Variants in TAS1R3 observed in about 807,000 individuals in gnomAD.
TAS1R3 encodes taste 1 receptor member 3, also known as taste receptor type 1 member 3.
TAS1R3 carries 58 observed loss-of-function variants against 46.1 expected under a neutral mutation model. The observed-to-expected ratio is 1.26, with a 90% CI of 1.02 to 1.57. The LOEUF (loss-of-function observed/expected upper bound fraction) is 1.57, where lower values mean the gene tolerates loss of function less well. TAS1R3 is among the 40% of genes most tolerant of loss of function. The pLI is 0.00. For synonymous variants in TAS1R3, 724 were observed against 544.7 expected (o/e 1.33, Z -4.58); for missense variants, 1,422 against 1,185.8 (o/e 1.20, Z -2.93).
At position 1,331,486 on chromosome 1, in the gene TAS1R3, G is replaced by A; in HGVS notation, c.141G>A (p.Glu47=). 6.2e-7 allele frequency: 1 copy of A among 1,607,042 alleles called. No homozygotes were observed. Among genetic ancestry groups the A allele is most frequent in the South Asian group, 1.1e-5 (1 of 90,416 alleles). The change falls in exon 1 of 6, where the codon GAG becomes GAA. Residue 47 remains glutamate, a synonymous_variant. Transcript: ENST00000339381. ...GGCTGTTCCCCCTGGGCGAGGCCGA[G>A]GAGGCTGGCCTCCGCAGCCGGACAC... ...LGGLFPLGEA[E]EAGLRSRTRP...
rs770061346 is a variant in TAS1R3, at chr1:1,332,248, C to T, written c.717C>T (p.His239=). Residue 239 remains histidine (H), a synonymous_variant, in exon 3 of 6, where the codon CAC becomes CAT. Coordinates refer to ENST00000339381, the MANE Select transcript of TAS1R3 (RefSeq NM_152228.3). ...CGGCACGCGGCATCTGCATCGCGCA[C>T]GAGGGCCTGGTGCCGCTGCCCCGTG... ...LAAARGICIA[H]EGLVPLPRAD... is the part of the protein sequence containing the mutation. 6.9e-6 allele frequency: 11 copies of T among 1,596,044 alleles called. No individual in the cohort carries two copies. The highest frequency in any genetic ancestry group is 3.4e-5 in the Admixed American group (2 of 59,326).
chr1:1,333,760 C>T lies in TAS1R3; in HGVS notation c.1855C>T (p.Leu619Phe), dbSNP rs1403046392. The change falls in exon 6 of 6, where the codon CTC (leucine) becomes TTC (phenylalanine). Residue 619 changes from leucine to phenylalanine, a missense_variant. Physicochemically the swap from Leu to Phe is conservative, Grantham distance 22. Coordinates refer to ENST00000339381, the MANE Select transcript of TAS1R3 (RefSeq NM_152228.3). ...CCTGGTGTGCCTGGGCCTGGTCTGCCTCAGCGTCCTCCTGTTCCCTGGCCA... is the reference window on the plus strand; with the variant it reads ...CCTGGTGTGCCTGGGCCTGGTCTGCTTCAGCGTCCTCCTGTTCCCTGGCCA... ...FGLVCLGLVC[L>F]SVLLFPGQPS... 6.3e-7 allele frequency: 1 copy of T among 1,596,802 alleles called. No individual in the cohort carries two copies. The highest frequency in any genetic ancestry group is 8.5e-7 in the Non-Finnish European group (1 of 1,174,670).
In TAS1R3 at chr1:1,331,951, CACCATCA is replaced by C; in HGVS notation, c.492+14_492+20del. On this transcript the variant is annotated intron_variant, in intron 2 of 5. Coordinates refer to ENST00000339381, the MANE Select transcript of TAS1R3 (RefSeq NM_152228.3). ...CCTCATGCCCCAGGTGGGCGCCCCC[CACCATCA>C]CCCACCCCCACCCAGCCCTGCCCGT... 1.9e-6 allele frequency: 3 copies of C among 1,598,936 alleles called. No individual in the cohort carries two copies. The highest frequency in any genetic ancestry group is 2.6e-6 in the Non-Finnish European group (3 of 1,168,744).
intron 4 of TAS1R3, 33 bp from the exon 5 acceptor site, chr1:1,333,226 C>T: frequency 6.3e-7 from 1 of 1,594,880 alleles, no homozygotes. Flanking sequence ...GCATGCCCAG[C>T]CGAGCAGAGC....
Position 1,334,314 on chromosome 1 carries a change from G to A in TAS1R3, c.2409G>A (p.Leu803=). 1 of 1,611,726 alleles carries A rather than the reference G, an allele frequency of 6.2e-7. No homozygotes were observed. Among genetic ancestry groups the A allele is most frequent in the South Asian group, 1.1e-5 (1 of 90,980 alleles). Residue 803 remains leucine (L), a synonymous_variant, in exon 6 of 6, where the codon CTG becomes CTA. Coordinates refer to ENST00000339381, the MANE Select transcript of TAS1R3 (RefSeq NM_152228.3). ...TGGGCGCCCTCCTGCTCTGTGTCCTGGGCATCCTGGCTGCCTTCCACCTGC... is the reference window on the plus strand; with the variant it reads ...TGGGCGCCCTCCTGCTCTGTGTCCTAGGCATCCTGGCTGCCTTCCACCTGC... ...VQMGALLLCV[L]GILAAFHLPR... is the part of the protein sequence containing the mutation.
Position 1,334,325 on chromosome 1 carries a change from C to G in TAS1R3, c.2420C>G (p.Ala807Gly). The G allele has an allele frequency of 6.2e-7, 1 of 1,611,832 alleles. No individual in the cohort carries two copies. Reference protein sequence around the residue: ...ALLLCVLGILAAFHLPRCYLL... With the variant: ...ALLLCVLGILGAFHLPRCYLL... ...CTGCTCTGTGTCCTGGGCATCCTGG[C>G]TGCCTTCCACCTGCCCAGGTGTTAC... The change falls in exon 6 of 6, where the codon GCT (alanine) becomes GGT (glycine). Residue 807 changes from alanine (A) to glycine (G), a missense_variant. Physicochemically the swap from Ala to Gly is moderately conservative, Grantham distance 60. Coordinates refer to ENST00000339381, the MANE Select transcript of TAS1R3 (RefSeq NM_152228.3).
In TAS1R3 at chr1:1,334,152, C is replaced by G. The variant is rs1053089249; in HGVS notation, c.2247C>G (p.Phe749Leu). 1.3e-6 allele frequency: 2 copies of G among 1,584,332 alleles called. No individual in the cohort carries two copies. The highest frequency in any genetic ancestry group is 1.3e-5 in the African/African-American group (1 of 74,354). The change falls in exon 6 of 6, where the codon TTC becomes TTG. Residue 749 changes from phenylalanine to leucine, a missense_variant. Coordinates refer to ENST00000339381, the MANE Select transcript of TAS1R3 (RefSeq NM_152228.3). ...TLAFLCFLGT[F>L]LVRSQPGCYN... Reference sequence around the variant, plus strand: ...CCTTTCTCTGCTTCCTGGGCACTTTCCTGGTGCGGAGCCAGCCGGGCTGCT... The same window carrying G: ...CCTTTCTCTGCTTCCTGGGCACTTTGCTGGTGCGGAGCCAGCCGGGCTGCT...
At position 1,333,640 on chromosome 1, in the gene TAS1R3, G is replaced by C; in HGVS notation, c.1735G>C (p.Ala579Pro). ...VLLLLLLLSL[A>P]LGLVLAALGL... ...GCTGCTGCTCCTGCTGCTGAGCCTG[G>C]CGCTGGGCCTTGTGCTGGCTGCTTT... Residue 579 changes from alanine (A) to proline (P), a missense_variant, in exon 6 of 6, where the codon GCG becomes CCG. Physicochemically the swap from Ala to Pro is conservative, Grantham distance 27 (BLOSUM62 -1). Transcript: ENST00000339381. The C allele has an allele frequency of 6.2e-7, 1 of 1,611,878 alleles. No individual in the cohort carries two copies. Among genetic ancestry groups the C allele is most frequent in the South Asian group, 1.1e-5 (1 of 91,086 alleles).
chr1:1,334,212 G>C lies in TAS1R3; in HGVS notation c.2307G>C (p.Leu769=). The part of the protein sequence containing the change: ...NRARGLTFAM[L]AYFITWVSFV... ...CCCGTGGCCTCACCTTTGCCATGCT[G>C]GCCTACTTCATCACCTGGGTCTCCT... The change falls in exon 6 of 6, where the codon CTG becomes CTC. Residue 769 remains leucine (L), a synonymous_variant. Transcript: ENST00000339381. 3 of 1,608,190 alleles carry C rather than the reference G, an allele frequency of 1.9e-6. No individual in the cohort carries two copies. Among genetic ancestry groups the C allele is most frequent in the Non-Finnish European group, 2.5e-6 (3 of 1,177,946 alleles).
rs1415961780 is a variant in TAS1R3, at chr1:1,334,385, A to G, written c.2480A>G (p.Glu827Gly). 1 of 1,608,346 alleles carries G rather than the reference A, an allele frequency of 6.2e-7. No individual in the cohort carries two copies. The highest frequency in any genetic ancestry group is 8.5e-7 in the Non-Finnish European group (1 of 1,177,944). ...CGGCAGCCAGGGCTCAACACCCCCG[A>G]GTTCTTCCTGGGAGGGGGCCCTGGG... ...LMRQPGLNTP[E>G]FFLGGGPGDA... The change falls in exon 6 of 6, where the codon GAG (glutamate) becomes GGG (glycine). Residue 827 changes from glutamate to glycine, a missense_variant. Glu to Gly is a moderately conservative substitution (Grantham distance 98, BLOSUM62 -2). Coordinates refer to ENST00000339381, the MANE Select transcript of TAS1R3 (RefSeq NM_152228.3).
chr1:1,333,386 C>T lies in TAS1R3; in HGVS notation c.1600+7C>T, dbSNP rs375055053. ...AGCTACCGGCAAAACCCAGGTGAGC[C>T]GCCTTCCCGGCAGGCGGGGGTGGGA... On this transcript the variant is annotated splice_region_variant and intron_variant, in intron 5 of 5. Coordinates refer to ENST00000339381, the MANE Select transcript of TAS1R3 (RefSeq NM_152228.3). 8.1e-6 allele frequency: 13 copies of T among 1,611,576 alleles called. No homozygotes were observed. The highest frequency in any genetic ancestry group is 4.0e-5 in the African/African-American group (3 of 74,934).
At position 1,332,103 on chromosome 1, in the gene TAS1R3, G is replaced by C. The variant is rs141717515; in HGVS notation, c.572G>C (p.Arg191Pro). ...TTCTTCCGCACCGTGCCCAGCGACCGTGTGCAGCTGACGGCCGCCGCGGAG... is the reference window on the plus strand; with the variant it reads ...TTCTTCCGCACCGTGCCCAGCGACCCTGTGCAGCTGACGGCCGCCGCGGAG... ...PSFFRTVPSDRVQLTAAAELL... is the reference protein window; with the variant it reads ...PSFFRTVPSDPVQLTAAAELL... The change falls in exon 3 of 6, where the codon CGT becomes CCT. Residue 191 changes from arginine to proline, a missense_variant. Coordinates refer to ENST00000339381, the MANE Select transcript of TAS1R3 (RefSeq NM_152228.3). 2 of 1,600,674 alleles carry C rather than the reference G, an allele frequency of 1.2e-6. No homozygotes were observed. The highest frequency in any genetic ancestry group is 4.5e-5 in the East Asian group (2 of 44,870).
chr1:1,333,197 C>A, intron 4 of TAS1R3, 62 bp from the exon 5 acceptor site: 3 of 1,589,962 alleles, frequency 1.9e-6, no homozygotes, highest in East Asian at 2.3e-5. Flanking sequence ...GGGGTGGGGG[C>A]CGTTCCAGTC....
rs1643513669 is a variant in TAS1R3, at chr1:1,334,523, C to T, written c.*59C>T. The T allele has an allele frequency of 2.8e-6, 4 of 1,439,162 alleles. No homozygotes were observed. The highest frequency in any genetic ancestry group is 3.7e-6 in the Non-Finnish European group (4 of 1,093,896). 89.1% of individuals were successfully genotyped at this position (1,439,162 alleles called of 1,614,324 possible). A position where few individuals can be genotyped will look rare whatever the true frequency, so the allele number is the denominator to read the frequency against. ...GACTTAGCTGCGATCCCCCCCAAGC[C>T]AGCAATGACCCGTGTCTCGCTACAG... On this transcript the variant is annotated 3_prime_UTR_variant, in exon 6 of 6. Transcript: ENST00000339381.
chr1:1,331,658 T>A lies in TAS1R3; in HGVS notation c.212T>A (p.Leu71His), dbSNP rs1211003263. The A allele has an allele frequency of 6.2e-7, 1 of 1,612,194 alleles. No homozygotes were observed. Among genetic ancestry groups the A allele is most frequent in the Non-Finnish European group, 8.5e-7 (1 of 1,179,594 alleles). Residue 71 changes from leucine to histidine, a missense_variant, in exon 2 of 6, where the codon CTC becomes CAC. By Grantham distance (99) the Leu-to-His change is moderately conservative. Coordinates refer to ENST00000339381, the MANE Select transcript of TAS1R3 (RefSeq NM_152228.3). ...CCCAGGTTCTCCTCAAACGGCCTGC[T>A]CTGGGCACTGGCCATGAAAATGGCC... ...VCTRFSSNGL[L>H]WALAMKMAVE...
chr1:1,333,441 T>C, intron 5 of TAS1R3, 62 bp downstream of exon 5: 1 of 1,606,834 alleles, frequency 6.2e-7, no homozygotes, highest in Non-Finnish European at 8.5e-7. Context: ...TGCCAAGTCC[T>C]GACTCTGAGA....
In TAS1R3 at chr1:1,333,980, A is replaced by G. The variant is rs367574589; in HGVS notation, c.2075A>G (p.Glu692Gly). The G allele has an allele frequency of 1.6e-5, 25 of 1,599,790 alleles. No individual in the cohort carries two copies. Among genetic ancestry groups the G allele is most frequent in the African/African-American group, 1.4e-4 (10 of 73,902 alleles). Residue 692 changes from glutamate to glycine, a missense_variant, in exon 6 of 6, where the codon GAG becomes GGG. Coordinates refer to ENST00000339381, the MANE Select transcript of TAS1R3 (RefSeq NM_152228.3). ...GTGGTGCTGCTGGCCATGCTGGTGGAGGTCGCACTGTGCACCTGGTACCTG... is the reference window on the plus strand; with the variant it reads ...GTGGTGCTGCTGGCCATGCTGGTGGGGGTCGCACTGTGCACCTGGTACCTG... ...WLVVLLAMLV[E>G]VALCTWYLVA...
At position 1,331,896 on chromosome 1, in the gene TAS1R3, C is replaced by T. The variant is rs1186324010; in HGVS notation, c.450C>T (p.Ala150=). 1.2e-6 allele frequency: 2 copies of T among 1,612,676 alleles called. No individual in the cohort carries two copies. Among genetic ancestry groups the T allele is most frequent in the South Asian group, 1.1e-5 (1 of 91,072 alleles). ...AVIGPHSSEL[A]MVTGKFFSFF... is the part of the protein sequence containing the mutation. ...TCGGGCCCCACTCGTCAGAGCTCGC[C>T]ATGGTCACCGGCAAGTTCTTCAGCT... is the stretch of plus-strand genomic sequence containing the variant. Residue 150 remains alanine, a synonymous_variant, in exon 2 of 6, where the codon GCC becomes GCT. Coordinates refer to ENST00000339381, the MANE Select transcript of TAS1R3 (RefSeq NM_152228.3).
rs151329911 is a variant in TAS1R3 at position 1,331,872 on chromosome 1, C to T, written c.426C>T (p.Ile142=). ...ACCAGCCCCGTGTGCTGGCTGTCATCGGGCCCCACTCGTCAGAGCTCGCCA... is the reference window on the plus strand; with the variant it reads ...ACCAGCCCCGTGTGCTGGCTGTCATTGGGCCCCACTCGTCAGAGCTCGCCA... ...TQYQPRVLAV[I]GPHSSELAMV... The change falls in exon 2 of 6, where the codon ATC becomes ATT. Residue 142 remains isoleucine (I), a synonymous_variant. Transcript: ENST00000339381. 232 of 1,612,908 alleles carry T rather than the reference C, an allele frequency of 1.4e-4. 1 individual carries two copies. The highest frequency in any genetic ancestry group is 7.3e-4 in the Admixed American group (44 of 60,024).
Sources: gnomAD v4.1 joint callset for allele counts on GRCh38, gnomAD v4.1.1 for gene constraint, MANE v1.5 for transcripts, NCBI Gene and HGNC (gene_info 2026-07-23, HGNC 2026-07-21) for gene names.